Variants in ZNF500 observed in about 807,000 individuals in gnomAD.
ZNF500 encodes the protein zinc finger protein 500.
A neutral mutation model predicts 30.1 loss-of-function variants in ZNF500; 31 were observed. The ratio of observed to expected loss-of-function variants is 1.03; its 90% CI spans 0.77 to 1.39. The LOEUF (loss-of-function observed/expected upper bound fraction) is 1.39. Ranked by LOEUF, ZNF500 falls within the 40% of genes most tolerant of loss-of-function variation. ZNF500 has a pLI of 0.00. For synonymous variants in ZNF500, 392 were observed against 282.0 expected (o/e 1.39, Z -3.91); for missense variants, 817 against 657.8 (o/e 1.24, Z -2.65).
In ZNF500 at chr16:4,751,462, G is replaced by T; in HGVS notation, c.*914C>A. ...ACTCAGGGGTGCTTTCCCGCCCCAG[G>T]TGTCTTCCGCCCTGCAGAGCAGCTA... On this transcript the variant is annotated 3_prime_UTR_variant, in exon 6 of 6. Coordinates refer to ENST00000219478, the MANE Select transcript of ZNF500 (RefSeq NM_021646.4). The T allele has an allele frequency of 9.7e-7, 1 of 1,033,620 alleles. No homozygotes were observed. Among genetic ancestry groups the T allele is most frequent in the Non-Finnish European group, 1.4e-6 (1 of 735,110 alleles). 64.0% of individuals were successfully genotyped at this position (1,033,620 alleles called of 1,614,324 possible).
rs1401080112 is a variant in ZNF500 at position 4,751,416 on chromosome 16, G to T, written c.*960C>A. The T allele has an allele frequency of 5.5e-5, 37 of 670,026 alleles. 1 individual carries two copies. In the East Asian group the frequency reaches 1.0e-3, roughly 18 times the overall value. 41.5% of individuals were successfully genotyped at this position (670,026 alleles called of 1,614,324 possible). A position where few individuals can be genotyped will look rare whatever the true frequency, so the allele number is the denominator to read the frequency against. ...AGATGTCAGGCCCGTCACATCCCAGGCAACATGTCAGGAAGATGGAACTCA... is the reference window on the plus strand; with the variant it reads ...AGATGTCAGGCCCGTCACATCCCAGTCAACATGTCAGGAAGATGGAACTCA... On this transcript the variant is annotated 3_prime_UTR_variant, in exon 6 of 6. Coordinates refer to ENST00000219478, the MANE Select transcript of ZNF500 (RefSeq NM_021646.4).
intron 5 of ZNF500, among the ~76,000 whole-genome samples, chr16:4,754,243 A>G (rs2142229509): frequency 6.6e-6 from 1 of 152,120 alleles, no homozygotes; most frequent in South Asian, 2.1e-4. Flanking sequence ...CCACTTTAAG[A>G]CACTCCCAGC....
intron 5 of ZNF500, among the ~76,000 whole-genome samples, chr16:4,755,071 G>C (rs992885317): frequency 2.0e-5 from 3 of 152,190 alleles, no homozygotes; most frequent in African/African-American, 4.8e-5. Flanking sequence ...CTCCCCAAAA[G>C]CTGAGCAGAC....
Position 4,752,815 on chromosome 16 carries a change from C to T in ZNF500, c.1004G>A (p.Ser335Asn), listed in dbSNP as rs1567519888. ...GTGCTTGGTCAAGTGGGACGTCTTG[C>T]TGAAGCCTTTGCCACATTCGGGGCA... ...YTCPECGKGF[S>N]KTSHLTKHQR... The change falls in exon 6 of 6, where the codon AGC (serine) becomes AAC (asparagine). Residue 335 changes from serine (S) to asparagine (N), a missense_variant. Ser to Asn is a conservative substitution (Grantham distance 46). Transcript: ENST00000219478. The T allele has an allele frequency of 6.2e-7, 1 of 1,614,258 alleles. No homozygotes were observed.
chr16:4,746,841 G>T, downstream of ZNF500: 1 of 1,282,142 alleles, frequency 7.8e-7, no homozygotes, highest in Non-Finnish European at 1.1e-6. Context: ...TGGGTCACCA[G>T]CAAAGCCCGA....
intron 5 of ZNF500, among the ~76,000 whole-genome samples, chr16:4,759,521 A>G (rs959612277): frequency 1.3e-5 from 2 of 152,184 alleles, no homozygotes; most frequent in African/African-American, 4.8e-5. Context: ...GAGGTTTCCC[A>G]AAGAAGGAAG....
chr16:4,744,927 C>G (rs544091152), downstream of ZNF500: 3 of 1,613,890 alleles, frequency 1.9e-6, no homozygotes, highest in Non-Finnish European at 2.5e-6. Context: ...CTCCTGTGCA[C>G]CACGCAGTCC....
chr16:4,754,924 T>G (rs144180844), intron 5 of ZNF500, among the ~76,000 whole-genome samples: 6 of 152,124 alleles, frequency 3.9e-5, no homozygotes, highest in African/African-American at 1.4e-4. Flanking sequence ...GTCCTGACAA[T>G]GGTGAGTGAG....
At position 4,752,554 on chromosome 16, in the gene ZNF500, G is replaced by C. The variant is rs1458445982; in HGVS notation, c.1265C>G (p.Ser422Trp). The C allele has an allele frequency of 2.5e-6, 4 of 1,572,592 alleles. No individual in the cohort carries two copies. The Admixed American group carries it at 7.4e-5, about 29-fold the overall frequency. ...TQCGKRFNNSSHFSAHRRTHT... is the reference protein window; with the variant it reads ...TQCGKRFNNSWHFSAHRRTHT... ...CGTCCGGCGGTGGGCGCTGAAGTGC[G>C]AGCTGTTGTTGAAGCGCTTCCCGCA... Residue 422 changes from serine (S) to tryptophan (W), a missense_variant, in exon 6 of 6, where the codon TCG becomes TGG. Coordinates refer to ENST00000219478, the MANE Select transcript of ZNF500 (RefSeq NM_021646.4).
rs747094671 is a variant in ZNF500, at chr16:4,766,017, T to A, written c.-39A>T. The A allele has an allele frequency of 6.6e-7, 1 of 1,514,426 alleles. No homozygotes were observed. The highest frequency in any genetic ancestry group is 2.2e-5 in the Admixed American group (1 of 45,000). 93.8% of individuals were successfully genotyped at this position (1,514,426 alleles called of 1,614,324 possible). ...CCTTGTTCCTTTTCAGGCCTTAGAG[T>A]TGAACCTGTCTCTCTCTATACCTCT... On this transcript the variant is annotated 5_prime_UTR_variant, in exon 2 of 6. Coordinates refer to ENST00000219478, the MANE Select transcript of ZNF500 (RefSeq NM_021646.4).
chr16:4,760,990 T>C (rs939244816), intron 4 of ZNF500, among the ~76,000 whole-genome samples: 77 of 151,976 alleles, frequency 5.1e-4, no homozygotes, highest in African/African-American at 1.7e-3. Context: ...TAGCACCAGA[T>C]TGACCCGGAA....
intron 5 of ZNF500, among the ~76,000 whole-genome samples, chr16:4,755,489 G>A (rs1310485252): frequency 1.3e-5 from 2 of 151,706 alleles, no homozygotes; most frequent in African/African-American, 4.8e-5. Flanking sequence ...GCCAATTTTT[G>A]TATTTTTAGT....
In ZNF500 at chr16:4,752,294, TTTC is replaced by T; in HGVS notation, c.*79_*81del. On this transcript the variant is annotated 3_prime_UTR_variant, in exon 6 of 6. Coordinates refer to ENST00000219478, the MANE Select transcript of ZNF500 (RefSeq NM_021646.4). ...GGAGGAAACGGGCAGCTGGCAATGC[TTTC>T]GGACCAGGCTGTCTAGCAGTTTCCT... 2 of 1,430,662 alleles carry T rather than the reference TTTC, an allele frequency of 1.4e-6. No individual in the cohort carries two copies. Among genetic ancestry groups the T allele is most frequent in the Non-Finnish European group, 1.8e-6 (2 of 1,096,948 alleles). The allele number at this position is 1,430,662 out of a possible 1,614,324, so 88.6% of individuals were successfully genotyped here.
At chr16:4,755,992 CA>C (rs2141837366) in intron 5 of ZNF500, among the ~76,000 whole-genome samples, 1 of 152,274 alleles carries the variant, frequency 6.6e-6, no homozygotes, top group South Asian at 2.1e-4. Context: ...AGAAGACAAC[CA>C]GAATAGGCAC....
At chr16:4,753,086 G>T in intron 5 of ZNF500, 28 bp from the exon 6 acceptor site, 2 of 1,502,402 alleles carry the variant, frequency 1.3e-6, no homozygotes, top group South Asian at 1.3e-5. Context: ...CGATCTCTAG[G>T]AACTCACAGC....
Position 4,752,410 on chromosome 16 carries a change from G to A in ZNF500, c.1409C>T (p.Pro470Leu), listed in dbSNP as rs539230897. ...MGAGSLPTLQ[P>L]VAPGGPGAKA ...GGCACCGGGGCCTCCAGGAGCCACC[G>A]GCTGGAGCGTCGGCAAGGAGCCTGC... The change falls in exon 6 of 6, where the codon CCG becomes CTG. Residue 470 changes from proline to leucine, a missense_variant. Physicochemically the swap from Pro to Leu is moderately conservative, Grantham distance 98. Transcript: ENST00000219478. 1.4e-5 allele frequency: 21 copies of A among 1,523,070 alleles called. No individual in the cohort carries two copies. The highest frequency in any genetic ancestry group is 1.8e-4 in the Middle Eastern group (1 of 5,558). 94.3% of individuals were successfully genotyped at this position (1,523,070 alleles called of 1,614,324 possible).
intron 2 of ZNF500, chr16:4,764,194 T>G: frequency 1.7e-6 from 1 of 600,720 alleles, no homozygotes. Flanking sequence ...GACTGAGCCC[T>G]TGAGAGGTGG....
At chr16:4,746,458 C>A, downstream of ZNF500, 1 of 1,613,846 alleles carries the variant, frequency 6.2e-7, no homozygotes, top group East Asian at 2.2e-5. Context: ...GAGTCCCCCA[C>A]CATCTTTATT....
rs1371778182 is a variant in ZNF500, at chr16:4,765,949, C to T, written c.30G>A (p.Leu10=). The T allele has an allele frequency of 2.5e-6, 4 of 1,589,718 alleles. 1 individual carries two copies. The South Asian group carries it at 3.4e-5, about 14-fold the overall frequency. The change falls in exon 2 of 6, where the codon CTG becomes CTA. Residue 10 remains leucine (L), a synonymous_variant. Coordinates refer to ENST00000219478, the MANE Select transcript of ZNF500 (RefSeq NM_021646.4). ...GTTCCAGGTCCTGCTCCAAGGTTGG[C>T]AGGGGCTGGAGGCCAGGGACAGTGG... MATVPGLQP[L]PTLEQDLEQE... is the part of the protein sequence containing the mutation.
Sources: gnomAD v4.1 joint callset for allele counts (sites outside exome capture counted in the v4.1 genomes callset) on GRCh38, gnomAD v4.1.1 for gene constraint, MANE v1.5 for transcripts, NCBI Gene and HGNC (gene_info 2026-07-23, HGNC 2026-07-21) for gene names.